Variants in DYM observed in about 807,000 individuals in gnomAD.
DYM encodes the protein dymeclin.
DYM carries 78 observed loss-of-function variants against 93.1 expected under a neutral mutation model. The ratio of observed to expected loss-of-function variants is 0.84; its 90% CI spans 0.70 to 1.01. The LOEUF is 1.01. Among genes scored for constraint, DYM ranks in the 50% least tolerant of loss-of-function variants. The pLI, the probability that DYM is intolerant of heterozygous loss-of-function variation, is 0.00. For synonymous variants in DYM, 321 were observed against 319.7 expected (o/e 1.00, Z -0.04); for missense variants, 789 against 845.0 (o/e 0.93, Z 0.82).
intron 14 of DYM, among the ~76,000 whole-genome samples, chr18:49,171,259 CT>C (rs964983509): frequency 3.3e-5 from 5 of 152,132 alleles, no homozygotes; most frequent in Non-Finnish European, 7.4e-5. Flanking sequence ...AGAAAGGTCA[CT>C]TACTGGGAGG....
intron 8 of DYM, among the ~76,000 whole-genome samples, chr18:49,306,693 T>C (rs2061296472): frequency 6.6e-6 from 1 of 152,188 alleles, no homozygotes; most frequent in African/African-American, 2.4e-5. Context: ...GCTTCTAACT[T>C]CTCGATTCAT....
chr18:49,113,407 A>G (rs1322395679), intron 16 of DYM, among the ~76,000 whole-genome samples: 1 of 152,152 alleles, frequency 6.6e-6, no homozygotes, highest in Non-Finnish European at 1.5e-5. Context: ...TATGTTTTAG[A>G]TGGGCGAGAT....
chr18:49,367,518 T>C (rs74950574), intron 5 of DYM, among the ~76,000 whole-genome samples: 13,911 of 152,166 alleles, frequency 0.091, 861 homozygotes, highest in East Asian at 0.31. Flanking sequence ...AACAGTACAA[T>C]ACTGTCCTAA....
At chr18:49,169,025 T>C (rs2088297713) in intron 14 of DYM, among the ~76,000 whole-genome samples, 1 of 152,180 alleles carries the variant, frequency 6.6e-6, no homozygotes, top group Admixed American at 6.6e-5. Context: ...GAAGGCCACA[T>C]GGACCATGCT....
intron 15 of DYM, among the ~76,000 whole-genome samples, chr18:49,132,696 A>G (rs1370111802): frequency 6.6e-6 from 1 of 152,184 alleles, no homozygotes; most frequent in East Asian, 1.9e-4. Context: ...TAAAATACTC[A>G]AACATATGAA....
At chr18:49,135,307 C>T (rs1054745924) in intron 15 of DYM, among the ~76,000 whole-genome samples, 1 of 152,126 alleles carries the variant, frequency 6.6e-6, no homozygotes, top group African/African-American at 2.4e-5. Flanking sequence ...ATTAAAGACT[C>T]CCCAGTTGTA....
intron 2 of DYM, among the ~76,000 whole-genome samples, chr18:49,421,815 C>T (rs1444443195): frequency 1.3e-5 from 2 of 152,202 alleles, no homozygotes; most frequent in African/African-American, 2.4e-5. Flanking sequence ...CTTAAATGAC[C>T]TTATGGAGCT....
At chr18:49,458,043 T>C (rs1183029873) in intron 1 of DYM, among the ~76,000 whole-genome samples, 2 of 152,200 alleles carry the variant, frequency 1.3e-5, no homozygotes, top group Non-Finnish European at 2.9e-5. Context: ...ACTTCTAACC[T>C]ACAGAACTGT....
intron 13 of DYM, among the ~76,000 whole-genome samples, chr18:49,248,914 T>C (rs565796571): frequency 3.3e-5 from 5 of 152,278 alleles, no homozygotes; most frequent in Admixed American, 2.6e-4. Flanking sequence ...TCTAAAAAAG[T>C]GGAAAAGACC....
intron 11 of DYM, among the ~76,000 whole-genome samples, chr18:49,265,234 C>A (rs1178559222): frequency 6.6e-6 from 1 of 152,162 alleles, no homozygotes; most frequent in South Asian, 2.1e-4. Context: ...AAGGAGAAAA[C>A]CCGAGAGCAG....
intron 2 of DYM, among the ~76,000 whole-genome samples, chr18:49,424,137 A>G (rs2074024005): frequency 6.6e-6 from 1 of 152,146 alleles, no homozygotes; most frequent in African/African-American, 2.4e-5. Context: ...ACATCGATGC[A>G]AAAATCCTCA....
intron 13 of DYM, among the ~76,000 whole-genome samples, chr18:49,216,848 TCTC>T (rs1338601963): frequency 1.3e-5 from 2 of 152,062 alleles, no homozygotes; most frequent in Non-Finnish European, 2.9e-5. Flanking sequence ...GCAGAGTGCC[TCTC>T]CTCCTCCAAA....
intron 8 of DYM, among the ~76,000 whole-genome samples, chr18:49,315,662 C>A (rs1336887009): frequency 6.6e-6 from 1 of 152,138 alleles, no homozygotes; most frequent in Non-Finnish European, 1.5e-5. Flanking sequence ...ATAATTAGCA[C>A]AATTATTTTC....
At chr18:49,379,613 A>G in intron 4 of DYM, 52 bp downstream of exon 4, 1 of 1,429,078 alleles carries the variant, frequency 7.0e-7, no homozygotes. Flanking sequence ...AATGAAAACT[A>G]AAATTCACAT....
chr18:49,046,618 G>A (rs2071621025), intron 17 of DYM, among the ~76,000 whole-genome samples: 1 of 152,154 alleles, frequency 6.6e-6, no homozygotes, highest in South Asian at 2.1e-4. Flanking sequence ...AAAGCATCTG[G>A]ACCAGGTATA....
At chr18:49,175,349 T>G (rs958629733) in intron 14 of DYM, among the ~76,000 whole-genome samples, 2 of 152,218 alleles carry the variant, frequency 1.3e-5, no homozygotes, top group African/African-American at 4.8e-5. Flanking sequence ...GCAGTCTTAG[T>G]TGATTTTAGT....
rs541614639 is a variant in DYM, at chr18:49,422,921, G to A, written c.140+7334C>T. 7.9e-5 allele frequency among the ~76,000 whole-genome samples: 12 copies of A among 152,204 alleles called. No homozygotes were observed. In the South Asian group the frequency reaches 2.5e-3, roughly 32 times the overall value. On this transcript the variant is annotated intron_variant, in intron 2 of 17. Coordinates refer to ENST00000675505, the MANE Select transcript of DYM (RefSeq NM_001353214.3). ...GCAAGTCCTTAGAGACCTACAAAGAGACTTAGACTCCCACACAATAATAAT... is the reference window on the plus strand; with the variant it reads ...GCAAGTCCTTAGAGACCTACAAAGAAACTTAGACTCCCACACAATAATAAT...
At chr18:49,317,551 T>TTGTCTCTCTCTCTCTCTCTCTCTC (rs1555690209) in intron 8 of DYM, among the ~76,000 whole-genome samples, 1 of 29,370 alleles carries the variant, frequency 3.4e-5, no homozygotes, top group East Asian at 7.5e-4. Flanking sequence ...CCATCTAGAT[T>TTGTCTCTCTCTCTCTCTCTCTCTC]TCTCTCTCTC....
At chr18:49,172,638 C>T (rs544136085) in intron 14 of DYM, among the ~76,000 whole-genome samples, 1 of 152,036 alleles carries the variant, frequency 6.6e-6, no homozygotes, top group Non-Finnish European at 1.5e-5. Context: ...TTTATATATT[C>T]TGGATACAAG....
Sources: gnomAD v4.1 joint callset for allele counts (sites outside exome capture counted in the v4.1 genomes callset) on GRCh38, gnomAD v4.1.1 for gene constraint, MANE v1.5 for transcripts, NCBI Gene and HGNC (gene_info 2026-07-23, HGNC 2026-07-21) for gene names.